Variants in TUB observed in about 807,000 individuals in gnomAD.
The protein encoded by TUB is tubby protein homolog.
Under a neutral mutation model 59.7 loss-of-function variants are expected in TUB, and 33 were observed. That is an observed-to-expected ratio of 0.55 (90% CI 0.42 to 0.74). The LOEUF (loss-of-function observed/expected upper bound fraction) is 0.74, where lower values mean the gene tolerates loss of function less well. Among genes scored for constraint, TUB ranks in the 30% least tolerant of loss-of-function variants. TUB has a pLI of 0.00. For missense variants in TUB, 659 were observed against 672.0 expected (o/e 0.98, Z 0.21); for synonymous variants, 293 against 256.4 (o/e 1.14, Z -1.36).
At position 8,105,982 on chromosome 11, in the gene TUB, A is replaced by AAGAT. The variant is rs1444702723; in HGVS notation, c.*4364_*4367dup. 21 of 151,996 alleles carry AAGAT rather than the reference A, an allele frequency of 1.4e-4. No homozygotes were observed. The highest frequency in any genetic ancestry group is 1.4e-3 in the Admixed American group (21 of 15,264). 9.4% of individuals were successfully genotyped at this position (151,996 alleles called of 1,614,324 possible). A position where few individuals can be genotyped will look rare whatever the true frequency, so the allele number is the denominator to read the frequency against. Reference sequence around the variant, plus strand: ...CTAGACTGTGTATGTCTATTTGCACAAGATTGTCTTTTCCTATTTTGGAGT... The same window carrying AAGAT: ...CTAGACTGTGTATGTCTATTTGCACAAGATAGATTGTCTTTTCCTATTTTGGAGT... On this transcript the variant is annotated 3_prime_UTR_variant, in exon 12 of 12. Coordinates refer to ENST00000299506, the MANE Select transcript of TUB (RefSeq NM_177972.3).
intron 2 of TUB, among the ~76,000 whole-genome samples, chr11:8,074,586 A>T (rs1014605549): frequency 3.3e-5 from 5 of 151,820 alleles, no homozygotes; most frequent in Non-Finnish European, 5.9e-5. Flanking sequence ...AAGATTTTTT[A>T]AAATTAGCCA....
chr11:8,029,587 C>T (rs1942543290), intron 1 of TUB, among the ~76,000 whole-genome samples: 1 of 152,066 alleles, frequency 6.6e-6, no homozygotes, highest in Non-Finnish European at 1.5e-5. Context: ...CGAGTTTTCA[C>T]CAATTTGGTC....
intron 2 of TUB, among the ~76,000 whole-genome samples, chr11:8,059,384 G>A (rs957806131): frequency 6.6e-6 from 1 of 152,236 alleles, no homozygotes; most frequent in Non-Finnish European, 1.5e-5. Flanking sequence ...TGAGGCAGGA[G>A]CGAGGCTGGG....
upstream of TUB, chr11:8,038,595 A>C (rs1171243802): frequency 1.7e-5 from 20 of 1,146,900 alleles, no homozygotes; most frequent in Non-Finnish European, 2.1e-5. Flanking sequence ...CATGGAAACC[A>C]GCAATTGGGT....
In TUB at chr11:8,101,514, G is replaced by C; in HGVS notation, c.1416G>C (p.Arg472=). 6.2e-7 allele frequency: 1 copy of C among 1,614,224 alleles called. No individual in the cohort carries two copies. Among genetic ancestry groups the C allele is most frequent in the Non-Finnish European group, 8.5e-7 (1 of 1,180,038 alleles). ...DPDYIVMQFG[R]VAEDVFTMDY... Reference sequence around the variant, plus strand: ...ACTACATCGTGATGCAGTTTGGCCGGGTAGCAGAGGATGTGTTCACCATGG... The same window carrying C: ...ACTACATCGTGATGCAGTTTGGCCGCGTAGCAGAGGATGTGTTCACCATGG... Residue 472 remains arginine, a synonymous_variant, in exon 12 of 12, where the codon CGG becomes CGC. Coordinates refer to ENST00000299506, the MANE Select transcript of TUB (RefSeq NM_177972.3).
intron 2 of TUB, among the ~76,000 whole-genome samples, chr11:8,058,242 C>T (rs940354949): frequency 4.1e-5 from 6 of 147,734 alleles, no homozygotes; most frequent in Admixed American, 2.7e-4. Context: ...AAAAAAGAAG[C>T]GGTATAAATT....
At chr11:8,089,767 G>A in intron 2 of TUB, 106 bp downstream of exon 2, 1 of 1,435,398 alleles carries the variant, frequency 7.0e-7, no homozygotes, top group Non-Finnish European at 9.8e-7. Flanking sequence ...TCTGATTGGG[G>A]GATGGGATTC....
At chr11:8,056,232 C>T (rs756074552) in intron 2 of TUB, among the ~76,000 whole-genome samples, 12 of 152,184 alleles carry the variant, frequency 7.9e-5, no homozygotes, top group Non-Finnish European at 1.8e-4. Context: ...TTTCCCACCT[C>T]GTGCTACCAG....
chr11:8,035,954 C>T (rs558786895), upstream of TUB: 8 of 152,300 alleles, frequency 5.3e-5, 1 homozygote, highest in East Asian at 1.9e-4. Context: ...AGGTCTCATT[C>T]GCTGAAGGGC....
rs1055522231 is a variant in TUB at position 8,049,578 on chromosome 11, T to TATATATATATAG, written c.203+9889_203+9890insTATATATAGATA. ...ATTATGTGGTATATATATATATATA[T>TATATATATATAG]ATAGATAGATAGATAGATAGATAGA... is the stretch of plus-strand genomic sequence containing the variant. On this transcript the variant is annotated intron_variant, in intron 2 of 12. Coordinates refer to the TUB transcript ENST00000305253. Among the ~76,000 whole-genome samples, 145 of 85,928 alleles carry TATATATATATAG rather than the reference T, an allele frequency of 1.7e-3. 1 individual carries two copies. Among genetic ancestry groups the TATATATATATAG allele is most frequent in the Admixed American group, 5.0e-3 (43 of 8,546 alleles). The allele number at this position is 85,928 out of a possible 152,430, so 56.4% of individuals were successfully genotyped here.
intron 1 of TUB, among the ~76,000 whole-genome samples, chr11:8,086,711 G>C (rs1943674213): frequency 6.6e-6 from 1 of 152,140 alleles, no homozygotes; most frequent in South Asian, 2.1e-4. Context: ...GTCTTGCTCA[G>C]CCAGGCACAG....
At chr11:8,051,144 G>A (rs947241664) in intron 2 of TUB, among the ~76,000 whole-genome samples, 2 of 152,018 alleles carry the variant, frequency 1.3e-5, no homozygotes, top group African/African-American at 4.8e-5. Flanking sequence ...AAAAAAATGG[G>A]CTTAAATTCT....
intron 3 of TUB, among the ~76,000 whole-genome samples, chr11:8,092,721 T>C (rs1313255963): frequency 1.3e-5 from 2 of 152,182 alleles, no homozygotes; most frequent in African/African-American, 4.8e-5. Flanking sequence ...CAGGTTCAAA[T>C]GGTGGACAAA....
intron 2 of TUB, among the ~76,000 whole-genome samples, chr11:8,042,586 T>G (rs1942770648): frequency 6.6e-6 from 1 of 152,174 alleles, no homozygotes; most frequent in Non-Finnish European, 1.5e-5. Context: ...AGGGTCTCAG[T>G]TTTTTCATAT....
chr11:8,022,863 C>A (rs1337040280), intron 1 of TUB, among the ~76,000 whole-genome samples: 1 of 152,182 alleles, frequency 6.6e-6, no homozygotes, highest in African/African-American at 2.4e-5. Context: ...CCACTGCACT[C>A]CAGCCTGGCC....
rs138767796 is a variant in TUB at position 8,105,865 on chromosome 11, G to C, written c.*4246G>C. 6.6e-6 allele frequency: 1 copy of C among 152,106 alleles called. No individual in the cohort carries two copies. The highest frequency in any genetic ancestry group is 2.4e-5 in the African/African-American group (1 of 41,418). 9.4% of individuals were successfully genotyped at this position (152,106 alleles called of 1,614,324 possible). ...GCTGAGATCCAGAGTTTCCTAGAAC[G>C]CAACTTAGGATGGCTAGGAAAGGGA... On this transcript the variant is annotated 3_prime_UTR_variant, in exon 12 of 12. Coordinates refer to ENST00000299506, the MANE Select transcript of TUB (RefSeq NM_177972.3).
intron 2 of TUB, among the ~76,000 whole-genome samples, chr11:8,051,921 T>C (rs1942940752): frequency 6.6e-6 from 1 of 152,240 alleles, no homozygotes; most frequent in African/African-American, 2.4e-5. Flanking sequence ...TCTAAGCCAC[T>C]TACTAAATAA....
intron 2 of TUB, among the ~76,000 whole-genome samples, chr11:8,063,432 C>T (rs1472497525): frequency 2.0e-5 from 3 of 152,208 alleles, no homozygotes; most frequent in Non-Finnish European, 4.4e-5. Flanking sequence ...GCCGACTGCA[C>T]GTTTGCTTCC....
At chr11:8,031,960 C>T (rs113742741) in intron 1 of TUB, among the ~76,000 whole-genome samples, 16 of 152,190 alleles carry the variant, frequency 1.1e-4, no homozygotes, top group South Asian at 2.1e-4. Context: ...TGGGCCAGTT[C>T]GGTCCCATCC....
Sources: allele counts gnomAD v4.1 joint callset (sites outside exome capture counted in the v4.1 genomes callset), GRCh38; gene constraint gnomAD v4.1.1; transcripts MANE v1.5; gene names NCBI Gene and HGNC (gene_info 2026-07-23, HGNC 2026-07-21).